FMN1: variants seen among roughly 807,000 people sequenced by gnomAD.
The protein encoded by FMN1 is formin 1.
Under a neutral mutation model 132.4 loss-of-function variants are expected in FMN1, and 110 were observed. That is an observed-to-expected ratio of 0.83 (90% confidence interval 0.71 to 0.97). The LOEUF is 0.97. Ranked by LOEUF, FMN1 falls within the 50% of genes least tolerant of loss-of-function variation. The pLI is 0.00. For synonymous variants in FMN1, 722 were observed against 651.7 expected, an observed-to-expected ratio of 1.11 and a Z score of -1.64; for missense variants, 1,792 against 1,705.3, an observed-to-expected ratio of 1.05 and a Z score of -0.90.
intron 10 of FMN1, among the ~76,000 whole-genome samples, chr15:32,920,657 A>T (rs1218833315): frequency 6.6e-6 from 1 of 152,046 alleles, no homozygotes; most frequent in Non-Finnish European, 1.5e-5. Context: ...CCAAAACAGA[A>T]TTTACCTTTA....
intron 19 of FMN1, among the ~76,000 whole-genome samples, chr15:32,777,697 A>G (rs961906052): frequency 2.4e-5 from 3 of 125,452 alleles, no homozygotes; most frequent in Non-Finnish European, 3.4e-5. Context: ...CGTATAACAT[A>G]TAACACATTT....
intron 9 of FMN1, among the ~76,000 whole-genome samples, chr15:32,951,407 T>C (rs563642228): frequency 2.0e-5 from 3 of 147,900 alleles, no homozygotes; most frequent in Non-Finnish European, 4.5e-5. Flanking sequence ...TTTAACTGCA[T>C]AGCTGCGCCC....
At chr15:33,104,996 G>A (rs1055521879) in intron 4 of FMN1, among the ~76,000 whole-genome samples, 1 of 152,144 alleles carries the variant, frequency 6.6e-6, no homozygotes, top group Non-Finnish European at 1.5e-5. Context: ...AGAGCTCTGA[G>A]AGGTGGTGGA....
At chr15:32,858,149 GGAA>G (rs1457490858) in intron 16 of FMN1, among the ~76,000 whole-genome samples, 2 of 152,138 alleles carry the variant, frequency 1.3e-5, no homozygotes, top group Non-Finnish European at 2.9e-5. Context: ...AAGGTATTTT[GGAA>G]GAAGGAGGTT....
At chr15:33,067,823 GCTT>G in intron 5 of FMN1, 1 of 1,613,958 alleles carries the variant, frequency 6.2e-7, no homozygotes, top group Non-Finnish European at 8.5e-7. Context: ...TTCAAGTCCG[GCTT>G]CTGGTTTTGC....
intron 5 of FMN1, among the ~76,000 whole-genome samples, chr15:33,080,790 G>C (rs990359647): frequency 2.0e-5 from 3 of 152,116 alleles, no homozygotes; most frequent in Non-Finnish European, 4.4e-5. Flanking sequence ...GGGAAGCTGA[G>C]GCATGAGAAT....
At chr15:32,922,665 A>AACCTT (rs946599571) in intron 10 of FMN1, among the ~76,000 whole-genome samples, 49 of 152,344 alleles carry the variant, frequency 3.2e-4, no homozygotes, top group African/African-American at 1.2e-3. Context: ...AAACACACAA[A>AACCTT]ACTGTTATCA....
intron 15 of FMN1, among the ~76,000 whole-genome samples, chr15:32,894,894 T>C (rs1028363083): frequency 6.6e-6 from 1 of 152,202 alleles, no homozygotes; most frequent in African/African-American, 2.4e-5. Flanking sequence ...TTATACTATA[T>C]GTTATTTTGA....
At chr15:33,003,810 T>C (rs1004855901) in intron 7 of FMN1, among the ~76,000 whole-genome samples, 4 of 152,204 alleles carry the variant, frequency 2.6e-5, no homozygotes, top group African/African-American at 9.7e-5. Flanking sequence ...AAGGCTACAG[T>C]AACCAAAACA....
chr15:32,922,389 G>A (rs866588147), intron 10 of FMN1, among the ~76,000 whole-genome samples: 38 of 152,254 alleles, frequency 2.5e-4, no homozygotes, highest in African/African-American at 8.9e-4. Flanking sequence ...TGACACATTA[G>A]CCCAGTTATT....
chr15:32,962,799 T>C (rs1320051277), intron 9 of FMN1, among the ~76,000 whole-genome samples: 3 of 151,574 alleles, frequency 2.0e-5, no homozygotes, highest in Non-Finnish European at 2.9e-5. Flanking sequence ...TGAGATACCA[T>C]CTCAAACCAG....
intron 19 of FMN1, among the ~76,000 whole-genome samples, chr15:32,784,498 A>T (rs150439720): frequency 9.2e-5 from 14 of 152,308 alleles, no homozygotes; most frequent in African/African-American, 3.4e-4. Context: ...GCTTCTTCCT[A>T]AAGAACTGTC....
chr15:32,978,576 T>C (rs207475386), intron 7 of FMN1, among the ~76,000 whole-genome samples: 1 of 152,212 alleles, frequency 6.6e-6, no homozygotes, highest in African/African-American at 2.4e-5. Flanking sequence ...TTTTATGTTG[T>C]ATTATTATTA....
intron 17 of FMN1, among the ~76,000 whole-genome samples, chr15:32,825,712 A>C (rs1276436889): frequency 1.3e-5 from 2 of 152,246 alleles, no homozygotes; most frequent in Non-Finnish European, 2.9e-5. Context: ...ACTCTCAAAA[A>C]TGGGCTGAAG....
At chr15:32,844,295 AG>A in intron 17 of FMN1, among the ~76,000 whole-genome samples, 1 of 152,302 alleles carries the variant, frequency 6.6e-6, no homozygotes, top group Middle Eastern at 3.4e-3. Flanking sequence ...GTGGATCCCA[AG>A]GATCATGTGT....
chr15:33,142,642 C>A (rs919068911), intron 4 of FMN1, among the ~76,000 whole-genome samples: 1 of 152,162 alleles, frequency 6.6e-6, no homozygotes, highest in Non-Finnish European at 1.5e-5. Context: ...AATATAATGA[C>A]TTACAGTGAG....
intron 8 of FMN1, among the ~76,000 whole-genome samples, chr15:32,966,375 C>A (rs2031228293): frequency 6.6e-6 from 1 of 152,060 alleles, no homozygotes; most frequent in African/African-American, 2.4e-5. Context: ...GATTTTGGGA[C>A]AGCCAGCATT....
intron 4 of FMN1, 129 bp downstream of exon 4, chr15:33,152,919 A>G (rs1376969162): frequency 2.2e-6 from 2 of 921,438 alleles, no homozygotes; most frequent in Non-Finnish European, 3.2e-6. Context: ...TTTTCTTGCT[A>G]CAAAGTGAAG....
At chr15:33,109,587 G>C (rs1595490616) in intron 4 of FMN1, among the ~76,000 whole-genome samples, 1 of 152,166 alleles carries the variant, frequency 6.6e-6, no homozygotes, top group East Asian at 1.9e-4. Context: ...ACTAAGGCAG[G>C]AACAGAAAAT....
Sources: gnomAD v4.1 joint callset for allele counts (sites outside exome capture counted in the v4.1 genomes callset) on GRCh38, gnomAD v4.1.1 for gene constraint, MANE v1.5 for transcripts, NCBI Gene and HGNC (gene_info 2026-07-23, HGNC 2026-07-21) for gene names.